BNIP2: variants seen among roughly 807,000 people sequenced by gnomAD.
BNIP2 encodes BCL2 interacting protein 2, also known as BCL2/adenovirus E1B 19 kDa protein-interacting protein 2.
In BNIP2, 36 loss-of-function variants were observed where a neutral mutation model predicts 43.4. The observed-to-expected ratio is 0.83, with a 90% confidence interval of 0.64 to 1.10. The LOEUF is 1.10. Ranked by LOEUF, BNIP2 falls within the 50% of genes least tolerant of loss-of-function variation. The pLI, the probability that BNIP2 is intolerant of heterozygous loss-of-function variation, is 0.00. For synonymous variants in BNIP2, 146 were observed against 121.0 expected (o/e 1.21, Z -1.35); for missense variants, 417 against 374.1 (o/e 1.11, Z -0.95).
At chr15:59,688,577 G>T in intron 1 of BNIP2, 1 of 867,802 alleles carries the variant, frequency 1.2e-6, no homozygotes, top group South Asian at 1.6e-5. Flanking sequence ...ATTTTGCCAG[G>T]TATTTAAACA....
Position 59,659,677 on chromosome 15 carries a change from A to AAACT in BNIP2, c.*4388_*4391dup, listed in dbSNP as rs1387389479. ...TTATTTTCCAAGTTCCTCCTTAGCC[A>AAACT]AACTGCATAAAAATTTCAAAATGCA... On this transcript the variant is annotated 3_prime_UTR_variant, in exon 10 of 10. Coordinates refer to ENST00000607373, the MANE Select transcript of BNIP2 (RefSeq NM_004330.4). The AAACT allele has an allele frequency of 5.9e-5, 9 of 152,198 alleles. No individual in the cohort carries two copies. The highest frequency in any genetic ancestry group is 5.2e-4 in the Admixed American group (8 of 15,284). The allele number at this position is 152,198 out of a possible 1,614,324, so 9.4% of individuals were successfully genotyped here. A position where few individuals can be genotyped will look rare whatever the true frequency, so the allele number is the denominator to read the frequency against.
chr15:59,677,255 G>C, intron 5 of BNIP2: 1 of 1,597,994 alleles, frequency 6.3e-7, no homozygotes, highest in South Asian at 1.1e-5. Flanking sequence ...TGGACTGCTT[G>C]ACTGAAGTAT....
At chr15:59,664,816 T>C (rs1424933520) in intron 9 of BNIP2, among the ~76,000 whole-genome samples, 3 of 152,174 alleles carry the variant, frequency 2.0e-5, no homozygotes, top group African/African-American at 7.2e-5. Context: ...AACTAAAATA[T>C]GAAAATGCCA....
intron 5 of BNIP2, among the ~76,000 whole-genome samples, chr15:59,676,101 A>C (rs1893270231): frequency 6.6e-6 from 1 of 152,212 alleles, no homozygotes; most frequent in South Asian, 2.1e-4. Flanking sequence ...AGATCAGAGC[A>C]TTTCACTGTT....
intron 5 of BNIP2, among the ~76,000 whole-genome samples, chr15:59,676,582 C>T (rs894270793): frequency 1.4e-4 from 22 of 152,116 alleles, no homozygotes; most frequent in Non-Finnish European, 2.8e-4. Flanking sequence ...TTACTTTAAA[C>T]CTGTCATGTT....
intron 4 of BNIP2, chr15:59,679,333 A>G (rs1552031): frequency 0.34 from 105,658 of 307,276 alleles, 19,087 homozygotes; most frequent in East Asian, 0.53. Flanking sequence ...TTGATTGACT[A>G]AAAAAGAGCA....
intron 9 of BNIP2, among the ~76,000 whole-genome samples, chr15:59,666,071 G>A: frequency 9.6e-6 from 1 of 103,818 alleles, no homozygotes; most frequent in Non-Finnish European, 2.3e-5. Flanking sequence ...AAACTCCCCT[G>A]AAACATTTTA....
intron 9 of BNIP2, chr15:59,668,009 T>C: frequency 1.2e-6 from 1 of 845,168 alleles, no homozygotes; most frequent in East Asian, 7.1e-5. Context: ...AATGCTATTA[T>C]CTTTGTCTAC....
Position 59,672,668 on chromosome 15 carries a change from T to C in BNIP2, c.544A>G (p.Asn182Asp). ...AGATTGTCCATCAGGTATCTATAGT[T>C]AGGCTGACTACTTTCAGGCATGAAA... ...VCFMPESSQP[N>D]YRYLMDNLFK... Residue 182 changes from asparagine to aspartate, a missense_variant, in exon 6 of 10, where the codon AAC (asparagine) becomes GAC (aspartate). Asn to Asp is a conservative substitution (Grantham distance 23). Coordinates refer to ENST00000607373, the MANE Select transcript of BNIP2 (RefSeq NM_004330.4). 2 of 1,613,780 alleles carry C rather than the reference T, an allele frequency of 1.2e-6. No individual in the cohort carries two copies. Among genetic ancestry groups the C allele is most frequent in the Non-Finnish European group, 1.7e-6 (2 of 1,179,740 alleles).
intron 1 of BNIP2, among the ~76,000 whole-genome samples, chr15:59,682,988 T>C (rs921687483): frequency 6.6e-5 from 10 of 152,226 alleles, no homozygotes; most frequent in African/African-American, 2.4e-4. Context: ...CTTTCATATT[T>C]CCTTCTCAAT....
intron 3 of BNIP2, among the ~76,000 whole-genome samples, 179 bp downstream of exon 3, chr15:59,680,062 T>C (rs1247773711): frequency 1.3e-5 from 2 of 152,174 alleles, no homozygotes; most frequent in African/African-American, 4.8e-5. Context: ...AAACCAAGTG[T>C]ATGTTTTTGG....
At chr15:59,664,394 A>C (rs575745249) in intron 9 of BNIP2, among the ~76,000 whole-genome samples, 1 of 149,528 alleles carries the variant, frequency 6.7e-6, no homozygotes, top group South Asian at 2.1e-4. Flanking sequence ...TTTTTTTCTT[A>C]TTTTTGAGAC....
chr15:59,668,019 C>T, intron 9 of BNIP2: 1 of 954,560 alleles, frequency 1.0e-6, no homozygotes, highest in Non-Finnish European at 1.4e-6. Context: ...TCTTTGTCTA[C>T]AAGCTAACCA....
chr15:59,682,528 A>C lies in BNIP2; in HGVS notation c.-57-14T>G. On this transcript the variant is annotated splice_polypyrimidine_tract_variant and intron_variant, in intron 1 of 9. Transcript: ENST00000607373. ...GGAGCCAATGTCCTATGAAGAGAGA[A>C]AAATGTATAACTTAATTTCCACTTT... The C allele has an allele frequency of 6.3e-7, 1 of 1,580,874 alleles. No homozygotes were observed. The highest frequency in any genetic ancestry group is 8.6e-7 in the Non-Finnish European group (1 of 1,162,950).
At chr15:59,688,696 G>T in intron 1 of BNIP2, 3 of 1,533,886 alleles carry the variant, frequency 2.0e-6, no homozygotes, top group Non-Finnish European at 2.6e-6. Flanking sequence ...TACTTATGCT[G>T]CTTCCGTGTC....
chr15:59,680,721 T>C (rs6151504), intron 2 of BNIP2, among the ~76,000 whole-genome samples: 50,068 of 152,092 alleles, frequency 0.33, 8,578 homozygotes, highest in East Asian at 0.54. Context: ...TAAGATAAAG[T>C]CTCAGCCTTC....
chr15:59,688,223 G>A (rs956966362), intron 1 of BNIP2, among the ~76,000 whole-genome samples: 1 of 152,048 alleles, frequency 6.6e-6, no homozygotes, highest in Non-Finnish European at 1.5e-5. Flanking sequence ...AGTCTGCAGG[G>A]GTAACTTAAT....
At position 59,677,693 on chromosome 15, in the gene BNIP2, A is replaced by G. The variant is rs560204172; in HGVS notation, c.472+218T>C. 437 of 1,175,004 alleles carry G rather than the reference A, an allele frequency of 3.7e-4. 5 individuals carry two copies. In the South Asian group the frequency reaches 9.4e-3, roughly 25 times the overall value. 72.8% of individuals were successfully genotyped at this position (1,175,004 alleles called of 1,614,324 possible). A position where few individuals can be genotyped will look rare whatever the true frequency, so the allele number is the denominator to read the frequency against. On this transcript the variant is annotated intron_variant, in intron 5 of 9. Coordinates refer to ENST00000607373, the MANE Select transcript of BNIP2 (RefSeq NM_004330.4). ...TGACATCAGATGTCTTGAGAAAGCT[A>G]TATTTTCCATTAGTGCCCCTTGTGT... is the stretch of plus-strand genomic sequence containing the variant.
chr15:59,681,582 G>T (rs564573545), intron 2 of BNIP2, among the ~76,000 whole-genome samples: 2 of 152,086 alleles, frequency 1.3e-5, no homozygotes, highest in South Asian at 4.1e-4. Flanking sequence ...CTAAGCAGCT[G>T]GGACTACAGG....
Sources: gnomAD v4.1 joint callset for allele counts (sites outside exome capture counted in the v4.1 genomes callset) on GRCh38, gnomAD v4.1.1 for gene constraint, MANE v1.5 for transcripts, NCBI Gene and HGNC (gene_info 2026-07-23, HGNC 2026-07-21) for gene names.